Variants in ZFHX4 observed in about 807,000 individuals in gnomAD.
ZFHX4 encodes zinc finger homeobox 4.
Under a neutral mutation model 267.6 loss-of-function variants are expected in ZFHX4, and 56 were observed. That is an observed-to-expected ratio of 0.21 (90% CI 0.17 to 0.26). The LOEUF (loss-of-function observed/expected upper bound fraction) is 0.26, where lower values mean the gene tolerates loss of function less well. ZFHX4 is among the 10% of genes least tolerant of loss of function. The pLI, the probability that ZFHX4 is intolerant of heterozygous loss-of-function variation, is 1.00. For synonymous variants in ZFHX4, 1,778 were observed against 1,665.6 expected (o/e 1.07, Z -1.64); for missense variants, 4,332 against 4,420.0 (o/e 0.98, Z 0.56).
At chr8:76,760,587 G>A (rs911829018) in intron 3 of ZFHX4, among the ~76,000 whole-genome samples, 1 of 152,042 alleles carries the variant, frequency 6.6e-6, no homozygotes, top group Non-Finnish European at 1.5e-5. Context: ...CCTACTCTGA[G>A]GAGATAGGGA....
At chr8:76,714,569 A>G (rs1351822971) in intron 3 of ZFHX4, among the ~76,000 whole-genome samples, 1 of 152,234 alleles carries the variant, frequency 6.6e-6, no homozygotes, top group African/African-American at 2.4e-5. Context: ...AAACACCTTC[A>G]CAGATTCTAT....
intron 3 of ZFHX4, among the ~76,000 whole-genome samples, chr8:76,723,973 CAAAAACCCCA>C (rs34271214): frequency 0.23 from 35,078 of 151,608 alleles, 5,494 homozygotes; most frequent in African/African-American, 0.45. Context: ...CAAAACAAAA[CAAAAACCCCA>C]AAAAACATTT....
At chr8:76,684,940 C>T (rs1807653847) in intron 1 of ZFHX4, among the ~76,000 whole-genome samples, 2 of 152,180 alleles carry the variant, frequency 1.3e-5, no homozygotes, top group African/African-American at 4.8e-5. Flanking sequence ...ATTTGATTAT[C>T]TCTAATAACA....
chr8:76,793,812 A>T (rs1340606609), intron 4 of ZFHX4, among the ~76,000 whole-genome samples: 1 of 152,028 alleles, frequency 6.6e-6, no homozygotes, highest in Non-Finnish European at 1.5e-5. Flanking sequence ...TAAGATTATC[A>T]TTATTGAAGA....
At chr8:76,829,176 A>G (rs1811863099) in intron 4 of ZFHX4, among the ~76,000 whole-genome samples, 1 of 151,460 alleles carries the variant, frequency 6.6e-6, no homozygotes, top group Non-Finnish European at 1.5e-5. Flanking sequence ...AATTCTCTGC[A>G]TAAATATCTA....
At chr8:76,767,432 G>A (rs1810079828) in intron 3 of ZFHX4, among the ~76,000 whole-genome samples, 2 of 152,040 alleles carry the variant, frequency 1.3e-5, no homozygotes, top group African/African-American at 4.8e-5. Context: ...CTCCTGGTAG[G>A]TCTTTTTCTC....
chr8:76,803,906 T>G (rs1489011644), intron 4 of ZFHX4, among the ~76,000 whole-genome samples: 1 of 152,138 alleles, frequency 6.6e-6, no homozygotes, highest in East Asian at 1.9e-4. Context: ...CACATTGTAA[T>G]TATACAAAAG....
At chr8:76,819,704 A>G (rs969066383) in intron 4 of ZFHX4, among the ~76,000 whole-genome samples, 1 of 152,244 alleles carries the variant, frequency 6.6e-6, no homozygotes, top group Non-Finnish European at 1.5e-5. Context: ...CACGGGTATC[A>G]CAGGAAAGAT....
intron 4 of ZFHX4, among the ~76,000 whole-genome samples, chr8:76,812,176 C>T (rs1281238788): frequency 6.6e-6 from 1 of 152,094 alleles, no homozygotes; most frequent in African/African-American, 2.4e-5. Context: ...TATGTTTGTA[C>T]GTTGCTTTTT....
At chr8:76,706,716 C>G (rs745749082) in intron 2 of ZFHX4, 38 bp downstream of exon 2, 1 of 1,489,172 alleles carries the variant, frequency 6.7e-7, no homozygotes, top group Non-Finnish European at 8.9e-7. Flanking sequence ...TTGTTAGTTT[C>G]TAATCACATT....
chr8:76,810,809 TA>T (rs1811357903), intron 4 of ZFHX4, among the ~76,000 whole-genome samples: 2 of 152,138 alleles, frequency 1.3e-5, no homozygotes, highest in African/African-American at 2.4e-5. Context: ...TTAAAACTAA[TA>T]TTTTTTTTCA....
At chr8:76,765,898 G>C (rs1183286885) in intron 3 of ZFHX4, among the ~76,000 whole-genome samples, 1 of 151,992 alleles carries the variant, frequency 6.6e-6, no homozygotes, top group Non-Finnish European at 1.5e-5. Context: ...CATTAATTAA[G>C]GAAGAAGCAT....
chr8:76,735,924 T>C (rs1054643027), intron 3 of ZFHX4, among the ~76,000 whole-genome samples: 1 of 152,104 alleles, frequency 6.6e-6, no homozygotes, highest in Non-Finnish European at 1.5e-5. Context: ...GAGGATTAAA[T>C]GGTGACCCTT....
At position 76,696,547 on chromosome 8, in the gene ZFHX4, A is replaced by G. The variant is rs1341879032; in HGVS notation, c.-46-7496A>G. On this transcript the variant is annotated intron_variant, in intron 1 of 10. Transcript: ENST00000651372. ...TTGACGGTTGTTTATAATGAAATCT[A>G]ATTAAAGTTCATATATTTAAAACAC... 2.6e-5 allele frequency among the ~76,000 whole-genome samples: 4 copies of G among 151,980 alleles called. No individual in the cohort carries two copies. In the East Asian group the frequency reaches 7.7e-4, roughly 29 times the overall value.
intron 3 of ZFHX4, among the ~76,000 whole-genome samples, chr8:76,709,792 CGT>C (rs1188818473): frequency 3.6e-5 from 5 of 139,582 alleles, no homozygotes; most frequent in South Asian, 2.3e-4. Context: ...CGTGTGTGTG[CGT>C]GTGTGTGCGT....
In ZFHX4 at chr8:76,853,885, C is replaced by T. The variant is rs754911207; in HGVS notation, c.6964C>T (p.Pro2322Ser). 20 of 1,613,746 alleles carry T rather than the reference C, an allele frequency of 1.2e-5. No individual in the cohort carries two copies. In the East Asian group the frequency reaches 4.2e-4, roughly 34 times the overall value. ...GTGTAAAAAGTGCAATGTGGTTTTC[C>T]CCAGGATCTTTGACTTGATTACGCA... ...YQCKKCNVVF[P>S]RIFDLITHQK... The change falls in exon 10 of 11, where the codon CCC (proline) becomes TCC (serine). Residue 2322 changes from proline to serine, a missense_variant. By Grantham distance (74) the Pro-to-Ser change is moderately conservative (BLOSUM62 -1). Coordinates refer to ENST00000651372, the MANE Select transcript of ZFHX4 (RefSeq NM_024721.5).
intron 4 of ZFHX4, among the ~76,000 whole-genome samples, chr8:76,792,669 T>C (rs1010828188): frequency 6.6e-6 from 1 of 152,190 alleles, no homozygotes; most frequent in Non-Finnish European, 1.5e-5. Context: ...CTGATGCAGA[T>C]TTCTTCTTCA....
At chr8:76,814,557 A>T (rs2131850774) in intron 4 of ZFHX4, among the ~76,000 whole-genome samples, 1 of 152,338 alleles carries the variant, frequency 6.6e-6, no homozygotes, top group East Asian at 1.9e-4. Context: ...ATACTTTTGA[A>T]AAACAAATGC....
intron 3 of ZFHX4, among the ~76,000 whole-genome samples, chr8:76,765,679 A>T (rs189920059): frequency 6.6e-6 from 1 of 152,276 alleles, no homozygotes; most frequent in African/African-American, 2.4e-5. Context: ...GTCAGAAAAT[A>T]AACTGTCACA....
Sources: allele counts gnomAD v4.1 joint callset (sites outside exome capture counted in the v4.1 genomes callset), GRCh38; gene constraint gnomAD v4.1.1; transcripts MANE v1.5; gene names NCBI Gene and HGNC (gene_info 2026-07-23, HGNC 2026-07-21).